NAALADL2: variants seen among roughly 807,000 people sequenced by gnomAD.
The protein encoded by NAALADL2 is inactive N-acetylated-alpha-linked acidic dipeptidase-like protein 2.
In NAALADL2, 76 loss-of-function variants were observed where a neutral mutation model predicts 87.2. The observed-to-expected ratio is 0.87, with a 90% CI of 0.72 to 1.05. The LOEUF is 1.05. Ranked by LOEUF, NAALADL2 falls within the 50% of genes least tolerant of loss-of-function variation. NAALADL2 has a pLI of 0.00. For synonymous variants in NAALADL2, 354 were observed against 331.0 expected (o/e 1.07, Z -0.75); for missense variants, 1,089 against 945.8 (o/e 1.15, Z -1.99).
chr3:175,243,075 ACACACACACACACACACACG>A (rs978220678), intron 3 of NAALADL2, among the ~76,000 whole-genome samples: 15 of 151,176 alleles, frequency 9.9e-5, no homozygotes, highest in Middle Eastern at 6.8e-3. Flanking sequence ...TCCATAACAC[ACACACACACACACACACACG>A]CACACACACA....
intron 1 of NAALADL2, among the ~76,000 whole-genome samples, chr3:174,452,415 C>T (rs925512331): frequency 6.6e-6 from 1 of 152,150 alleles, no homozygotes; most frequent in Non-Finnish European, 1.5e-5. Flanking sequence ...CTGCACCTAA[C>T]AAGTGTATAC....
At chr3:175,059,531 T>C (rs1712984037) in intron 1 of NAALADL2, 3 of 255,200 alleles carry the variant, frequency 1.2e-5, no homozygotes, top group Non-Finnish European at 2.4e-5. Flanking sequence ...GACTAAGCCG[T>C]CTGCTTGAAT....
intron 5 of NAALADL2, among the ~76,000 whole-genome samples, chr3:175,369,038 T>A (rs1197845748): frequency 2.6e-5 from 4 of 152,272 alleles, no homozygotes; most frequent in Middle Eastern, 3.4e-3. Context: ...ACTGTAGGCT[T>A]TATAAACACT....
chr3:174,454,409 T>C (rs1209408016), intron 1 of NAALADL2, among the ~76,000 whole-genome samples: 2 of 152,020 alleles, frequency 1.3e-5, no homozygotes, highest in Non-Finnish European at 2.9e-5. Context: ...TCTACAGAAC[T>C]CTCCACGCTG....
intron 1 of NAALADL2, among the ~76,000 whole-genome samples, chr3:174,979,122 G>A (rs1744759159): frequency 6.6e-6 from 1 of 152,044 alleles, no homozygotes; most frequent in Middle Eastern, 3.4e-3. Flanking sequence ...GAATTTCTTA[G>A]TAAATTGGTT....
At chr3:175,785,997 G>C (rs1373618441) in intron 13 of NAALADL2, among the ~76,000 whole-genome samples, 1 of 151,964 alleles carries the variant, frequency 6.6e-6, no homozygotes, top group Admixed American at 6.6e-5. Flanking sequence ...ATTCTGGGTT[G>C]AAAATTCTTT....
At position 174,936,480 on chromosome 3, in the gene NAALADL2, C is replaced by T. The variant is rs78816458; in HGVS notation, c.43+77030C>T. 8.9e-4 allele frequency among the ~76,000 whole-genome samples: 135 copies of T among 152,066 alleles called. 2 individuals carry two copies. In the East Asian group the frequency reaches 0.025, roughly 29 times the overall value. Reference sequence around the variant, plus strand: ...AAGCAGATAAAAAGATTTTGAGAATCAAGCAGCCATAATAAAAGCTACTTA... The same window carrying T: ...AAGCAGATAAAAAGATTTTGAGAATTAAGCAGCCATAATAAAAGCTACTTA... On this transcript the variant is annotated intron_variant, in intron 1 of 13. Transcript: ENST00000454872.
At chr3:175,126,811 G>A (rs1727037928) in intron 2 of NAALADL2, among the ~76,000 whole-genome samples, 1 of 149,712 alleles carries the variant, frequency 6.7e-6, no homozygotes, top group Non-Finnish European at 1.5e-5. Flanking sequence ...AAAACCAAAA[G>A]GGATTAAGTA....
intron 2 of NAALADL2, among the ~76,000 whole-genome samples, chr3:174,569,523 T>C (rs1412223308): frequency 6.6e-6 from 1 of 152,110 alleles, no homozygotes; most frequent in Non-Finnish European, 1.5e-5. Context: ...TCTCTTTCTA[T>C]TGTCTGAGTT....
chr3:175,227,481 A>C (rs530246948), intron 2 of NAALADL2, among the ~76,000 whole-genome samples: 3 of 152,134 alleles, frequency 2.0e-5, no homozygotes, highest in African/African-American at 7.2e-5. Flanking sequence ...TGTCAAATAA[A>C]TACCGTGTGA....
Position 174,882,676 on chromosome 3 carries a change from T to TGCATATGCACATATGC in NAALADL2, c.43+23227_43+23228insCATATGCACATATGCG, listed in dbSNP as rs1560319021. Among the ~76,000 whole-genome samples, 444 of 132,162 alleles carry TGCATATGCACATATGC rather than the reference T, an allele frequency of 3.4e-3. 12 individuals are homozygous for TGCATATGCACATATGC. Among genetic ancestry groups the TGCATATGCACATATGC allele is most frequent in the African/African-American group, 0.016 (407 of 25,444 alleles). The allele number at this position is 132,162 out of a possible 152,430, so 86.7% of individuals were successfully genotyped here. A position where few individuals can be genotyped will look rare whatever the true frequency, so the allele number is the denominator to read the frequency against. Reference sequence around the variant, plus strand: ...ACACATATGTGCATATACACATATGTGTATATGTGTATCCGTGTATATACA... The same window carrying TGCATATGCACATATGC: ...ACACATATGTGCATATACACATATGTGCATATGCACATATGCGTATATGTGTATCCGTGTATATACA... On this transcript the variant is annotated intron_variant, in intron 1 of 13. Transcript: ENST00000454872.
chr3:175,554,040 T>C (rs946499285), intron 9 of NAALADL2, among the ~76,000 whole-genome samples: 5 of 152,084 alleles, frequency 3.3e-5, no homozygotes, highest in African/African-American at 1.2e-4. Context: ...CTGCTTCATA[T>C]TGGATGGTCA....
upstream of NAALADL2, among the ~76,000 whole-genome samples, chr3:174,855,102 G>T (rs1273978777): frequency 1.3e-5 from 2 of 152,044 alleles, no homozygotes; most frequent in African/African-American, 4.8e-5. Flanking sequence ...GCCTCCCAAA[G>T]TGCTAGGATT....
intron 2 of NAALADL2, among the ~76,000 whole-genome samples, chr3:174,665,527 A>G (rs1725881042): frequency 1.3e-5 from 2 of 152,170 alleles, no homozygotes; most frequent in Admixed American, 6.6e-5. Flanking sequence ...GAAGTTTCAC[A>G]GGAGAAAATG....
chr3:174,892,355 C>T (rs7627036), intron 1 of NAALADL2, among the ~76,000 whole-genome samples: 18 of 151,774 alleles, frequency 1.2e-4, no homozygotes, highest in South Asian at 2.1e-4. Context: ...GAATTCTATC[C>T]GATAAATTAA....
intron 1 of NAALADL2, among the ~76,000 whole-genome samples, chr3:174,912,462 G>C (rs921537997): frequency 2.6e-5 from 4 of 152,088 alleles, no homozygotes; most frequent in African/African-American, 4.8e-5. Flanking sequence ...ACACCCTAAG[G>C]CTGCAATAGC....
chr3:174,949,591 C>A (rs1740015292), intron 1 of NAALADL2, among the ~76,000 whole-genome samples: 1 of 152,164 alleles, frequency 6.6e-6, no homozygotes, highest in Non-Finnish European at 1.5e-5. Context: ...TCTGCAACCT[C>A]AGAATTTGGA....
rs114088902 is a variant in NAALADL2, at chr3:174,472,744, T to G, written c.-184+31712T>G. On this transcript the variant is annotated intron_variant, in intron 1 of 3. Coordinates refer to the NAALADL2 transcript ENST00000434257. The stretch of plus-strand genomic sequence containing the variant: ...AAATTTGAGTATTAAATTACTTTGC[T>G]AGTATCTTGCTGGCTGTAATAGTCT... Among the ~76,000 whole-genome samples, 1,435 of 152,300 alleles carry G rather than the reference T, an allele frequency of 9.4e-3. 7 individuals are homozygous for G. Among genetic ancestry groups the G allele is most frequent in the Non-Finnish European group, 0.014 (984 of 68,030 alleles).
At chr3:175,599,004 G>C (rs2149629939) in intron 10 of NAALADL2, among the ~76,000 whole-genome samples, 1 of 152,098 alleles carries the variant, frequency 6.6e-6, no homozygotes, top group East Asian at 1.9e-4. Flanking sequence ...TCAACAATGT[G>C]AAGGCCTTGA....
Sources: gnomAD v4.1 joint callset for allele counts (sites outside exome capture counted in the v4.1 genomes callset) on GRCh38, gnomAD v4.1.1 for gene constraint, MANE v1.5 for transcripts, NCBI Gene and HGNC (gene_info 2026-07-23, HGNC 2026-07-21) for gene names.